The following KARS1 variants were observed in gnomAD, a reference collection of about 807,000 sequenced individuals.
KARS1 encodes lysine--tRNA ligase.
In KARS1, 50 loss-of-function variants were observed where a neutral mutation model predicts 63.9. The observed-to-expected ratio is 0.78, with a 90% confidence interval of 0.62 to 0.99. KARS1 has a LOEUF of 0.99. KARS1 is among the 50% of genes least tolerant of loss of function. The pLI is 0.00. For missense variants in KARS1, 816 were observed against 754.5 expected (o/e 1.08, Z -0.95); for synonymous variants, 320 against 264.6 (o/e 1.21, Z -2.03).
intron 6 of KARS1, among the ~76,000 whole-genome samples, chr16:75,634,799 T>C (rs1352547485): frequency 6.6e-6 from 1 of 152,132 alleles, no homozygotes; most frequent in Non-Finnish European, 1.5e-5. Context: ...ATGGTCTCGA[T>C]CTCCTGACCT....
chr16:75,641,612 G>A lies in KARS1; in HGVS notation c.174C>T (p.His58=). 6.2e-7 allele frequency: 1 copy of A among 1,614,036 alleles called. No individual in the cohort carries two copies. The highest frequency in any genetic ancestry group is 8.5e-7 in the Non-Finnish European group (1 of 1,180,014). Residue 58 remains histidine, a synonymous_variant, in exon 2 of 14, where the codon CAC becomes CAT. Coordinates refer to ENST00000302445, the MANE Select transcript of KARS1 (RefSeq NM_005548.3). ...LSQATAAATN[H]TTDNGVGPEE... ...CAGGACCCACACCATTATCAGTGGT[G>A]TGGTTGGTGGCAGCAGCAGTGGCTT...
chr16:75,642,069 G>C (rs560973701), intron 1 of KARS1, among the ~76,000 whole-genome samples: 1 of 151,166 alleles, frequency 6.6e-6, no homozygotes, highest in African/African-American at 2.4e-5. Context: ...AGGTTTTCTA[G>C]AAAATTAGAA....
intron 12 of KARS1, 71 bp downstream of exon 12, chr16:75,629,344 C>G: frequency 6.3e-7 from 1 of 1,592,802 alleles, no homozygotes. Flanking sequence ...TATACGCTGA[C>G]ACAGATCAGG....
chr16:75,645,726 A>G (rs990444760), intron 1 of KARS1, among the ~76,000 whole-genome samples: 1 of 151,004 alleles, frequency 6.6e-6, no homozygotes, highest in Non-Finnish European at 1.5e-5. Flanking sequence ...ATGCACCTGT[A>G]GTCCCAGGTA....
At chr16:75,634,407 A>C in intron 6 of KARS1, 115 bp from the exon 7 acceptor site, 1 of 1,061,996 alleles carries the variant, frequency 9.4e-7, no homozygotes, top group Non-Finnish European at 1.4e-6. Context: ...AATGTTAATA[A>C]GTTCAACAGT....
At chr16:75,630,926 T>C (rs1490501752) in intron 10 of KARS1, among the ~76,000 whole-genome samples, 1 of 152,168 alleles carries the variant, frequency 6.6e-6, no homozygotes, top group East Asian at 1.9e-4. Flanking sequence ...TGAGCCACCA[T>C]GCCCACCCTA....
intron 3 of KARS1, among the ~76,000 whole-genome samples, chr16:75,636,959 TG>T (rs35806222): frequency 0.24 from 32,565 of 137,638 alleles, 5,548 homozygotes; most frequent in East Asian, 0.72. Flanking sequence ...TTTTTTTTTT[TG>T]GTCAGGGCAC....
At chr16:75,636,191 T>C (rs948776473) in intron 4 of KARS1, 93 bp from the exon 5 acceptor site, 5 of 825,456 alleles carry the variant, frequency 6.1e-6, no homozygotes, top group Non-Finnish European at 1.0e-5. Flanking sequence ...TGTTAATACC[T>C]AGTTAATGTG....
intron 2 of KARS1, 63 bp downstream of exon 2, chr16:75,641,501 C>G (rs754857314): frequency 1.1e-4 from 159 of 1,463,352 alleles, no homozygotes; most frequent in Non-Finnish European, 1.4e-4. Context: ...CCCAAAGAAT[C>G]TGCCAGAAGC....
At chr16:75,628,126 CAT>C (rs534800871) in intron 13 of KARS1, 133 bp from the exon 14 acceptor site, 422 of 716,300 alleles carry the variant, frequency 5.9e-4, no homozygotes, top group African/African-American at 5.5e-3. Flanking sequence ...TGAAAAGGCT[CAT>C]GTGTTCTTTT....
chr16:75,636,787 C>A (rs902224666), intron 3 of KARS1, among the ~76,000 whole-genome samples: 2 of 151,878 alleles, frequency 1.3e-5, no homozygotes, highest in African/African-American at 4.8e-5. Flanking sequence ...GTGCACACCA[C>A]CACACTCGGC....
intron 7 of KARS1, among the ~76,000 whole-genome samples, chr16:75,632,415 C>T (rs1461944079): frequency 6.6e-6 from 1 of 151,724 alleles, no homozygotes; most frequent in Non-Finnish European, 1.5e-5. Context: ...TCTGAACCTC[C>T]CCAAGGAAGC....
chr16:75,642,512 C>A (rs2151811079), intron 1 of KARS1, among the ~76,000 whole-genome samples: 1 of 152,112 alleles, frequency 6.6e-6, no homozygotes. Context: ...AATGCCAGAT[C>A]TAATACATGA....
At position 75,636,493 on chromosome 16, in the gene KARS1, C is replaced by T. The variant is rs1000016910; in HGVS notation, c.443G>A (p.Arg148Gln). Residue 148 changes from arginine (R) to glutamine (Q), a missense_variant, in exon 4 of 14, where the codon CGA (arginine) becomes CAA (glutamine). Arg to Gln is a conservative substitution (Grantham distance 43). Transcript: ENST00000302445. ...GACTTGCAACTTCACCCCCTCTCCT[C>T]GAAGATCATAGAAGATGAGCTTTCC... ...SGGKLIFYDLRGEGVKLQVMA... is the reference protein window; with the variant it reads ...SGGKLIFYDLQGEGVKLQVMA... 19 of 1,613,632 alleles carry T rather than the reference C, an allele frequency of 1.2e-5. No homozygotes were observed. Among genetic ancestry groups the T allele is most frequent in the East Asian group, 2.2e-5 (1 of 44,886 alleles).
chr16:75,637,233 G>A (rs1378613796), intron 3 of KARS1, among the ~76,000 whole-genome samples: 2 of 152,006 alleles, frequency 1.3e-5, no homozygotes, highest in Non-Finnish European at 2.9e-5. Context: ...AATGCTGTGG[G>A]AAGACGTTGC....
Position 75,631,730 on chromosome 16 carries a change from A to G in KARS1, c.1041T>C (p.Tyr347=). ...TCTCCGTGATTTCCATGAGATCGTG[A>G]TAGTCTGCATAGGCCATGTAGAACT... ...TCEFYMAYAD[Y]HDLMEITEKM... The change falls in exon 8 of 14, where the codon TAT becomes TAC. Residue 347 remains tyrosine, a synonymous_variant. Transcript: ENST00000302445. 6.2e-7 allele frequency: 1 copy of G among 1,614,188 alleles called. No individual in the cohort carries two copies.
chr16:75,647,452 G>A (rs987985005), intron 1 of KARS1, 126 bp downstream of exon 1: 4 of 888,824 alleles, frequency 4.5e-6, no homozygotes, highest in Non-Finnish European at 7.3e-6. Context: ...CCACGTCTCA[G>A]CATGTGCGTA....
chr16:75,630,296 T>C (rs1278021066), intron 11 of KARS1, 127 bp downstream of exon 11: 4 of 678,754 alleles, frequency 5.9e-6, no homozygotes, highest in South Asian at 1.5e-5. Flanking sequence ...AAAAAGCCAC[T>C]TGGGTTACCC....
At position 75,631,853 on chromosome 16, in the gene KARS1, C is replaced by T. The variant is rs1024130483; in HGVS notation, c.918G>A (p.Met306Ile). The part of the protein sequence containing the change: ...MRIAPELYHK[M>I]LVVGGIDRVY... ...CCCGGTCGATGCCACCAACCACAAG[C>T]ATCTAACAACAACACATGGCCACGG... Residue 306 changes from methionine to isoleucine, a missense_variant and splice_region_variant, in exon 8 of 14, where the codon ATG (methionine) becomes ATA (isoleucine). Met to Ile is a conservative substitution (Grantham distance 10, BLOSUM62 1). Transcript: ENST00000302445. 2.5e-6 allele frequency: 4 copies of T among 1,613,888 alleles called. No individual in the cohort carries two copies. In the African/African-American group the frequency reaches 4.0e-5, roughly 16 times the overall value.
Sources: allele counts gnomAD v4.1 joint callset (sites outside exome capture counted in the v4.1 genomes callset), GRCh38; gene constraint gnomAD v4.1.1; transcripts MANE v1.5; gene names NCBI Gene and HGNC (gene_info 2026-07-23, HGNC 2026-07-21).